The following C10orf67 variants were observed in gnomAD, a reference collection of about 807,000 sequenced individuals.
C10orf67 encodes chromosome 10 open reading frame 67, also known as uncharacterized protein C10orf67, mitochondrial.
In C10orf67, 60 loss-of-function variants were observed where a neutral mutation model predicts 35.6. That is an observed-to-expected ratio of 1.68 (90% CI 1.37 to 2.09). The LOEUF is 2.09. C10orf67 is among the 30% of genes most tolerant of loss of function. C10orf67 has a pLI of 0.00. For missense variants in C10orf67, 474 were observed against 330.2 expected, an observed-to-expected ratio of 1.44 and a Z score of -3.38; for synonymous variants, 167 against 115.8, an observed-to-expected ratio of 1.44 and a Z score of -2.84.
At chr10:23,264,650 T>C (rs896699063) in intron 10 of C10orf67, among the ~76,000 whole-genome samples, 3 of 152,202 alleles carry the variant, frequency 2.0e-5, no homozygotes, top group Non-Finnish European at 4.4e-5. Context: ...ATCTGTAAAC[T>C]GGGGACACCG....
chr10:23,327,630 G>C (rs917726513), intron 2 of C10orf67, among the ~76,000 whole-genome samples: 8 of 152,126 alleles, frequency 5.3e-5, no homozygotes, highest in Non-Finnish European at 1.5e-5. Flanking sequence ...TTTGAGACCA[G>C]CCTGGCCAAC....
intron 10 of C10orf67, among the ~76,000 whole-genome samples, chr10:23,261,603 C>T (rs927480323): frequency 2.6e-5 from 4 of 152,178 alleles, no homozygotes; most frequent in Non-Finnish European, 5.9e-5. Flanking sequence ...TGAGCAGCCA[C>T]CCCTGGACTG....
intron 8 of C10orf67, among the ~76,000 whole-genome samples, chr10:23,278,601 G>C (rs563652115): frequency 3.3e-4 from 50 of 152,292 alleles, no homozygotes; most frequent in African/African-American, 1.1e-3. Context: ...CACAAGAGGA[G>C]AACTGTGTGC....
chr10:23,202,113 C>G (rs1164337786), downstream of C10orf67: 2 of 152,230 alleles, frequency 1.3e-5, no homozygotes, highest in African/African-American at 4.8e-5. Flanking sequence ...GTGCTCAGGA[C>G]CCCAGGGAGC....
At chr10:23,312,963 T>G (rs4747462) in intron 4 of C10orf67, among the ~76,000 whole-genome samples, 58,845 of 152,036 alleles carry the variant, frequency 0.39, 14,293 homozygotes, top group East Asian at 0.74. Flanking sequence ...TCCAGCCTGC[T>G]GGTCTGCCTT....
chr10:23,274,537 G>A (rs1843125713), intron 8 of C10orf67, among the ~76,000 whole-genome samples: 1 of 152,076 alleles, frequency 6.6e-6, no homozygotes, highest in African/African-American at 2.4e-5. Flanking sequence ...TGTTTATATA[G>A]GCTCCCTGCA....
At chr10:23,332,998 A>T in intron 2 of C10orf67, 64 bp downstream of exon 2, 1 of 1,499,124 alleles carries the variant, frequency 6.7e-7, no homozygotes, top group East Asian at 2.3e-5. Flanking sequence ...TGTCTATGAA[A>T]GAAACATGAA....
chr10:23,270,465 A>G (rs923753143), intron 8 of C10orf67, among the ~76,000 whole-genome samples: 3 of 152,232 alleles, frequency 2.0e-5, no homozygotes, highest in Admixed American at 2.0e-4. Flanking sequence ...CTGCTCAGGC[A>G]TACATGGAGA....
chr10:23,251,747 G>C (rs186533268), intron 10 of C10orf67, among the ~76,000 whole-genome samples: 55 of 152,262 alleles, frequency 3.6e-4, no homozygotes, highest in African/African-American at 1.3e-3. Context: ...CTTAGATCCT[G>C]ATATTTTCAT....
At position 23,209,024 on chromosome 10, in the gene C10orf67, C is replaced by T. The variant is rs966432504; in HGVS notation, c.1571-4769G>A. Among the ~76,000 whole-genome samples the T allele has an allele frequency of 4.6e-5, 7 of 151,960 alleles. No homozygotes were observed. The East Asian group carries it at 1.4e-3, about 30-fold the overall frequency. ...TCAGCGAGACCAGGCAGAAGACCCACCACCTAGATGAAGGCATGTGTACAG... is the reference window on the plus strand; with the variant it reads ...TCAGCGAGACCAGGCAGAAGACCCATCACCTAGATGAAGGCATGTGTACAG... On this transcript the variant is annotated intron_variant, in intron 15 of 15. Coordinates refer to ENST00000636213, the MANE Select transcript of C10orf67 (RefSeq NM_001371909.1).
At chr10:23,244,608 CA>C (rs1842269489) in intron 12 of C10orf67, among the ~76,000 whole-genome samples, 2 of 151,702 alleles carry the variant, frequency 1.3e-5, no homozygotes, top group Non-Finnish European at 2.9e-5. Flanking sequence ...ATAACAGTGT[CA>C]AAAAATAAAA....
At chr10:23,251,784 A>G (rs1239737799) in intron 10 of C10orf67, among the ~76,000 whole-genome samples, 1 of 152,194 alleles carries the variant, frequency 6.6e-6, no homozygotes, top group Non-Finnish European at 1.5e-5. Context: ...GTGTCCCAAT[A>G]GGTGCTGCAT....
intron 4 of C10orf67, among the ~76,000 whole-genome samples, chr10:23,310,550 A>G (rs1466847768): frequency 6.6e-6 from 1 of 152,170 alleles, no homozygotes; most frequent in African/African-American, 2.4e-5. Flanking sequence ...GCAGTGCCTC[A>G]CTGGCTTCTG....
chr10:23,298,188 G>A (rs942991632), intron 5 of C10orf67, among the ~76,000 whole-genome samples: 1 of 152,120 alleles, frequency 6.6e-6, no homozygotes, highest in Non-Finnish European at 1.5e-5. Flanking sequence ...CTGGGAGGCG[G>A]AGCTTGCAGT....
chr10:23,333,508 A>T (rs1845558410), intron 1 of C10orf67, among the ~76,000 whole-genome samples: 1 of 152,198 alleles, frequency 6.6e-6, no homozygotes. Context: ...TAGATTATGC[A>T]TAGGCCTATT....
At chr10:23,232,622 C>A (rs1841941637) in intron 13 of C10orf67, among the ~76,000 whole-genome samples, 1 of 152,114 alleles carries the variant, frequency 6.6e-6, no homozygotes, top group Non-Finnish European at 1.5e-5. Context: ...CTAAACCCTG[C>A]CACTTGGAGG....
At chr10:23,274,817 T>G (rs1311125613) in intron 8 of C10orf67, among the ~76,000 whole-genome samples, 1 of 152,154 alleles carries the variant, frequency 6.6e-6, no homozygotes, top group Non-Finnish European at 1.5e-5. Context: ...ATTATAAAAG[T>G]ATTAATTTTG....
intron 1 of C10orf67, among the ~76,000 whole-genome samples, chr10:23,334,928 C>A (rs936212587): frequency 2.0e-5 from 3 of 152,154 alleles, no homozygotes; most frequent in African/African-American, 7.2e-5. Flanking sequence ...GTGGCTCATG[C>A]CTATAATCTC....
intron 13 of C10orf67, among the ~76,000 whole-genome samples, chr10:23,226,534 A>T (rs543233860): frequency 6.6e-6 from 1 of 152,316 alleles, no homozygotes; most frequent in African/African-American, 2.4e-5. Context: ...AAAGAACTAG[A>T]GAAACAAGAG....
Sources: gnomAD v4.1 joint callset for allele counts (sites outside exome capture counted in the v4.1 genomes callset) on GRCh38, gnomAD v4.1.1 for gene constraint, MANE v1.5 for transcripts, NCBI Gene and HGNC (gene_info 2026-07-23, HGNC 2026-07-21) for gene names.